MRC1: variants seen among roughly 807,000 people sequenced by gnomAD.
MRC1 encodes mannose receptor C-type 1.
MRC1 carries 62 observed loss-of-function variants against 102.9 expected under a neutral mutation model. The observed-to-expected ratio is 0.60, with a 90% confidence interval of 0.49 to 0.74. The LOEUF (loss-of-function observed/expected upper bound fraction) is 0.74, where lower values mean the gene tolerates loss of function less well. MRC1 is among the 30% of genes least tolerant of loss of function. The probability of loss-of-function intolerance (pLI) is 0.00; values close to 1 mark genes in which losing one functional copy is unlikely to be tolerated. For missense variants in MRC1, 1,237 were observed against 862.8 expected (o/e 1.43, Z -5.43); for synonymous variants, 457 against 298.4 (o/e 1.53, Z -5.48).
intron 5 of MRC1, among the ~76,000 whole-genome samples, chr10:17,841,323 T>C (rs1474973733): frequency 3.3e-5 from 5 of 152,230 alleles, no homozygotes; most frequent in African/African-American, 1.2e-4. Flanking sequence ...GCTGTCCTTG[T>C]GACAGTGATT....
intron 27 of MRC1, among the ~76,000 whole-genome samples, chr10:17,907,328 C>T (rs1833908998): frequency 6.6e-6 from 1 of 152,158 alleles, no homozygotes; most frequent in South Asian, 2.1e-4. Flanking sequence ...ACGGTTTTAA[C>T]TAAAGCTATA....
intron 1 of MRC1, among the ~76,000 whole-genome samples, chr10:17,812,761 T>C (rs909638362): frequency 8.2e-4 from 124 of 151,796 alleles, no homozygotes; most frequent in Non-Finnish European, 1.5e-3. Context: ...TTAGTAGAGA[T>C]GGGGTTTCAC....
intron 21 of MRC1, among the ~76,000 whole-genome samples, chr10:17,883,725 G>A (rs1833550513): frequency 6.6e-6 from 1 of 152,180 alleles, no homozygotes; most frequent in African/African-American, 2.4e-5. Flanking sequence ...GTAAATGTTT[G>A]CAAAGTGTTG....
chr10:17,887,178 A>G (rs1485682791), intron 22 of MRC1, among the ~76,000 whole-genome samples: 1 of 152,192 alleles, frequency 6.6e-6, no homozygotes, highest in Non-Finnish European at 1.5e-5. Flanking sequence ...ACTGGTGGTC[A>G]GGAGATCGAG....
intron 27 of MRC1, 130 bp downstream of exon 27, chr10:17,907,129 AT>A: frequency 1.5e-6 from 1 of 685,860 alleles, no homozygotes; most frequent in Non-Finnish European, 2.6e-6. Context: ...TCAAACTCAT[AT>A]TTTTATTTAA....
At chr10:17,857,302 T>G (rs1446050674) in intron 9 of MRC1, among the ~76,000 whole-genome samples, 1 of 152,250 alleles carries the variant, frequency 6.6e-6, no homozygotes, top group Non-Finnish European at 1.5e-5. Context: ...CCAGGTCTCC[T>G]GTCCCTAAAC....
At chr10:17,888,319 G>A (rs1833628558) in intron 22 of MRC1, among the ~76,000 whole-genome samples, 1 of 152,166 alleles carries the variant, frequency 6.6e-6, no homozygotes, top group South Asian at 2.1e-4. Flanking sequence ...TGAAATGTAA[G>A]TTTCAGGTTG....
intron 3 of MRC1, among the ~76,000 whole-genome samples, chr10:17,832,900 T>C (rs1476996414): frequency 6.6e-6 from 1 of 152,164 alleles, no homozygotes; most frequent in African/African-American, 2.4e-5. Flanking sequence ...TTTTTATTTT[T>C]ATATATGTAG....
At chr10:17,890,594 G>A (rs974070909) in intron 22 of MRC1, among the ~76,000 whole-genome samples, 1 of 152,110 alleles carries the variant, frequency 6.6e-6, no homozygotes, top group African/African-American at 2.4e-5. Context: ...AGAGCCCTTA[G>A]CATATTATTC....
intron 9 of MRC1, among the ~76,000 whole-genome samples, chr10:17,859,388 G>A (rs1362581868): frequency 1.3e-5 from 2 of 152,100 alleles, no homozygotes; most frequent in African/African-American, 4.8e-5. Context: ...CATGATCTCG[G>A]CTCAGCGCAA....
intron 2 of MRC1, among the ~76,000 whole-genome samples, chr10:17,824,991 A>G (rs1838451546): frequency 1.3e-5 from 2 of 152,202 alleles, no homozygotes; most frequent in Non-Finnish European, 1.5e-5. Flanking sequence ...ACATATTGGG[A>G]AAAACCCCAG....
Position 17,809,401 on chromosome 10 carries a change from C to A in MRC1, c.-65C>A, listed in dbSNP as rs927938827. 6.3e-5 allele frequency: 55 copies of A among 866,358 alleles called. 1 individual carries two copies. The Middle Eastern group carries it at 6.6e-4, about 10-fold the overall frequency. The allele number at this position is 866,358 out of a possible 1,614,324, so 53.7% of individuals were successfully genotyped here. ...AGGTGGAGAGGCAGTTGGGGGGCCT[C>A]GTTGTTTTGCGTCTTAGTTCCGCCC... On this transcript the variant is annotated 5_prime_UTR_variant, in exon 1 of 30. Coordinates refer to ENST00000569591, the MANE Select transcript of MRC1 (RefSeq NM_002438.4).
intron 1 of MRC1, among the ~76,000 whole-genome samples, chr10:17,816,478 A>G (rs980462406): frequency 6.6e-6 from 1 of 152,168 alleles, no homozygotes; most frequent in Non-Finnish European, 1.5e-5. Context: ...CATCCAAGGT[A>G]CAAGAGATTT....
Position 17,869,592 on chromosome 10 carries a change from C to T in MRC1, c.1984-654C>T, listed in dbSNP as rs956333726. The stretch of plus-strand genomic sequence containing the variant: ...ACTGCATTTCACTATTCTCTGCAGT[C>T]CTCTGGATATTATGACACAATTCCT... On this transcript the variant is annotated intron_variant, in intron 12 of 29. Transcript: ENST00000569591. 2.0e-5 allele frequency among the ~76,000 whole-genome samples: 3 copies of T among 152,224 alleles called. No individual in the cohort carries two copies. The East Asian group carries it at 5.8e-4, about 29-fold the overall frequency.
chr10:17,849,892 G>A (rs1244303248), intron 7 of MRC1, 128 bp downstream of exon 7: 20 of 594,852 alleles, frequency 3.4e-5, no homozygotes, highest in East Asian at 3.2e-4. Flanking sequence ...AACGAACAAC[G>A]TATGAATTTA....
rs1038511502 is a variant in MRC1, at chr10:17,837,604, T to C, written c.803-3089T>C. Among the ~76,000 whole-genome samples the C allele has an allele frequency of 9.6e-4, 146 of 151,450 alleles. 1 individual carries two copies. The highest frequency in any genetic ancestry group is 1.7e-3 in the Non-Finnish European group (115 of 67,862). On this transcript the variant is annotated intron_variant, in intron 4 of 29. Transcript: ENST00000569591. ...GGGTTTTGAAAAGTCTGTATCTTTTTATTTTATTTTATTTTATTTTATTTA... is the reference window on the plus strand; with the variant it reads ...GGGTTTTGAAAAGTCTGTATCTTTTCATTTTATTTTATTTTATTTTATTTA...
chr10:17,832,891 T>A (rs1408409975), intron 3 of MRC1, among the ~76,000 whole-genome samples: 1 of 152,094 alleles, frequency 6.6e-6, no homozygotes, highest in Non-Finnish European at 1.5e-5. Flanking sequence ...GCCCGGCTAT[T>A]TTTATTTTTA....
chr10:17,865,280 T>C (rs1302479666), intron 11 of MRC1: 1 of 152,240 alleles, frequency 6.6e-6, no homozygotes, highest in Non-Finnish European at 1.5e-5. Context: ...AATAGTGTGA[T>C]TTTTGTTTAT....
intron 18 of MRC1, among the ~76,000 whole-genome samples, chr10:17,878,509 T>G (rs1430771128): frequency 6.6e-6 from 1 of 152,192 alleles, no homozygotes; most frequent in Non-Finnish European, 1.5e-5. Context: ...ATACATTTTA[T>G]GTTCTTTTTT....
Sources: gnomAD v4.1 joint callset for allele counts (sites outside exome capture counted in the v4.1 genomes callset) on GRCh38, gnomAD v4.1.1 for gene constraint, MANE v1.5 for transcripts, NCBI Gene and HGNC (gene_info 2026-07-23, HGNC 2026-07-21) for gene names.